Variants in CEP152 observed in about 807,000 individuals in gnomAD.
CEP152 encodes centrosomal protein 152.
A neutral mutation model predicts 188.9 loss-of-function variants in CEP152; 132 were observed. That is an observed-to-expected ratio of 0.70 (90% confidence interval 0.61 to 0.81). The LOEUF is 0.81. Ranked by LOEUF, CEP152 falls within the 30% of genes least tolerant of loss-of-function variation. The pLI is 0.00. For synonymous variants in CEP152, 649 were observed against 666.6 expected (o/e 0.97, Z 0.41); for missense variants, 1,914 against 1,969.8 (o/e 0.97, Z 0.54).
chr15:48,762,800 T>C (rs1437130983), intron 17 of CEP152, 128 bp from the exon 18 acceptor site: 2 of 911,964 alleles, frequency 2.2e-6, no homozygotes, highest in Non-Finnish European at 1.7e-6. Flanking sequence ...GTAGTAATTA[T>C]AAAAGGTTTA....
intron 9 of CEP152, among the ~76,000 whole-genome samples, chr15:48,787,067 T>TTAAAA (rs975123440): frequency 1.3e-5 from 2 of 151,644 alleles, no homozygotes; most frequent in Admixed American, 1.3e-4. Context: ...AAAACTAACT[T>TTAAAA]TAAAATAAAA....
intron 7 of CEP152, 152 bp from the exon 8 acceptor site, chr15:48,791,528 T>C: frequency 2.8e-6 from 2 of 724,916 alleles, no homozygotes; most frequent in Non-Finnish European, 2.3e-6. Context: ...TAGAGAAAAC[T>C]AAATAAAGAA....
At chr15:48,775,964 G>A (rs1313124780) in intron 12 of CEP152, among the ~76,000 whole-genome samples, 1 of 151,498 alleles carries the variant, frequency 6.6e-6, no homozygotes, top group Non-Finnish European at 1.5e-5. Flanking sequence ...TAACGTATGA[G>A]TTTCCTTCAT....
At position 48,772,704 on chromosome 15, in the gene CEP152, T is replaced by A; in HGVS notation, c.1578-13A>T. 2 of 1,608,558 alleles carry A rather than the reference T, an allele frequency of 1.2e-6. No individual in the cohort carries two copies. Among genetic ancestry groups the A allele is most frequent in the Non-Finnish European group, 1.7e-6 (2 of 1,175,260 alleles). On this transcript the variant is annotated splice_polypyrimidine_tract_variant and intron_variant, in intron 12 of 26. Coordinates refer to ENST00000380950, the MANE Select transcript of CEP152 (RefSeq NM_001194998.2). ...TTCTTGTACAATGCTAATGGAGAAA[T>A]TGTGATTTTTAACATTAAATCAAGT...
At chr15:48,732,650 A>T (rs1892462983) in intron 2 of CEP152, among the ~76,000 whole-genome samples, 1 of 128,380 alleles carries the variant, frequency 7.8e-6, no homozygotes, top group Non-Finnish European at 1.5e-5. Flanking sequence ...TGTTCTGCAC[A>T]TGTATTTTTT....
Position 48,769,075 on chromosome 15 carries a change from T to A in CEP152, c.1789A>T (p.Thr597Ser). 1 of 1,604,362 alleles carries A rather than the reference T, an allele frequency of 6.2e-7. No individual in the cohort carries two copies. The change falls in exon 14 of 27, where the codon ACA becomes TCA. Residue 597 changes from threonine to serine, a missense_variant. Thr to Ser is a moderately conservative substitution (Grantham distance 58). Transcript: ENST00000380950. ...DEKSIEVETK[T>S]DTSEKPKNQL... ...TTCTTTGGTTTTTCTGAGGTATCTG[T>A]TTTAGTCTGAATATTAAAAGGTCAA...
At chr15:48,748,667 T>TAA in intron 21 of CEP152, 57 bp from the exon 22 acceptor site, 33 of 1,070,096 alleles carry the variant, frequency 3.1e-5, no homozygotes, top group South Asian at 2.1e-4. Context: ...GAACTATCAT[T>TAA]AAAAAAAAAA....
rs755368260 is a variant in CEP152 at position 48,739,245 on chromosome 15, T to G, written c.4137A>C (p.Ser1379=). 1.2e-6 allele frequency: 2 copies of G among 1,613,524 alleles called. No homozygotes were observed. Among genetic ancestry groups the G allele is most frequent in the Non-Finnish European group, 1.7e-6 (2 of 1,179,874 alleles). ...TTTTCTGATTCACATCATTTCTTTT[T>G]GATTTTTTAACTGCAATCAGCATCT... ...TSEMLIAVKK[S]KRNDVNQKIP... is the part of the protein sequence containing the mutation. The change falls in exon 27 of 27, where the codon TCA becomes TCC. Residue 1379 remains serine, a synonymous_variant. Transcript: ENST00000380950.
intron 22 of CEP152, among the ~76,000 whole-genome samples, chr15:48,745,520 C>T (rs985074159): frequency 1.3e-5 from 2 of 151,514 alleles, no homozygotes; most frequent in Non-Finnish European, 1.5e-5. Flanking sequence ...GGGCTGAGTC[C>T]GAAAAGAGAG....
rs755891842 is a variant in CEP152 at position 48,772,519 on chromosome 15, CT to C, written c.1749del (p.Val584Ter). ...DCHKKIEDLH[Q>X]VKKDEKSIEV... ...TCAATGCTTTTTTCATCCTTCTTCA[CT>C]TGGTGGAGATCTTCAATTTTCTTAT... is the stretch of plus-strand genomic sequence containing the variant. On this transcript the variant is annotated frameshift_variant, in exon 13 of 27. Transcript: ENST00000380950. LOFTEE classifies it high-confidence loss of function. 1 of 1,613,520 alleles carries C rather than the reference CT, an allele frequency of 6.2e-7. No individual in the cohort carries two copies. The highest frequency in any genetic ancestry group is 1.1e-5 in the South Asian group (1 of 91,082).
chr15:48,782,647 C>G (rs1022895142), intron 10 of CEP152, among the ~76,000 whole-genome samples: 1 of 152,146 alleles, frequency 6.6e-6, no homozygotes, highest in Non-Finnish European at 1.5e-5. Context: ...AGATGCTTTT[C>G]TATCCAGCAT....
At chr15:48,788,042 T>C (rs1896767432) in intron 9 of CEP152, among the ~76,000 whole-genome samples, 1 of 152,200 alleles carries the variant, frequency 6.6e-6, no homozygotes. Flanking sequence ...CAACAGACTG[T>C]ATTGCTGTAT....
chr15:48,809,965 T>C (rs907465005), intron 1 of CEP152, among the ~76,000 whole-genome samples: 1 of 152,240 alleles, frequency 6.6e-6, no homozygotes, highest in Non-Finnish European at 1.5e-5. Flanking sequence ...TGTTCCCCCA[T>C]GGAGCTGGCC....
Position 48,760,117 on chromosome 15 carries a change from T to C in CEP152, c.2694+18A>G. The C allele has an allele frequency of 6.2e-7, 1 of 1,613,784 alleles. No homozygotes were observed. The highest frequency in any genetic ancestry group is 8.5e-7 in the Non-Finnish European group (1 of 1,179,816). ...GGTAAGACAGCCTCCTGAAGTGTCTTTGCAGAAGAGCTCTTACCCTTTTGT... is the reference window on the plus strand; with the variant it reads ...GGTAAGACAGCCTCCTGAAGTGTCTCTGCAGAAGAGCTCTTACCCTTTTGT... On this transcript the variant is annotated intron_variant, in intron 19 of 26. Transcript: ENST00000380950.
intron 20 of CEP152, among the ~76,000 whole-genome samples, chr15:48,753,695 G>C (rs1894055192): frequency 6.6e-6 from 1 of 152,148 alleles, no homozygotes; most frequent in Non-Finnish European, 1.5e-5. Context: ...CAACCTTTTT[G>C]TCTCAGTTTT....
downstream of CEP152, among the ~76,000 whole-genome samples, chr15:48,737,552 G>T (rs1166307023): frequency 6.6e-6 from 1 of 151,980 alleles, no homozygotes; most frequent in Non-Finnish European, 1.5e-5. Context: ...TTTTCAAAAG[G>T]TCGTATTTCA....
At position 48,744,321 on chromosome 15, in the gene CEP152, C is replaced by T. The variant is rs1445102224; in HGVS notation, c.3754G>A (p.Glu1252Lys). The change falls in exon 24 of 27, where the codon GAA (glutamate) becomes AAA (lysine). Residue 1252 changes from glutamate (E) to lysine (K), a missense_variant. Glu to Lys is a moderately conservative substitution (Grantham distance 56, BLOSUM62 1). Transcript: ENST00000380950. Reference protein sequence around the residue: ...PPRSLSAGAIENACLPCSGGA... With the variant: ...PPRSLSAGAIKNACLPCSGGA... ...CCACTGCATGGCAGGCAAGCATTTTCAATGGCCCCTGCTGACAATGACCTA... is the reference window on the plus strand; with the variant it reads ...CCACTGCATGGCAGGCAAGCATTTTTAATGGCCCCTGCTGACAATGACCTA... 3.1e-6 allele frequency: 5 copies of T among 1,613,894 alleles called. No homozygotes were observed. Among genetic ancestry groups the T allele is most frequent in the Non-Finnish European group, 4.2e-6 (5 of 1,179,980 alleles).
chr15:48,755,712 AAGT>A (rs1894207204), intron 20 of CEP152, among the ~76,000 whole-genome samples, 188 bp downstream of exon 20: 1 of 152,158 alleles, frequency 6.6e-6, no homozygotes, highest in Non-Finnish European at 1.5e-5. Context: ...TGACACTATG[AAGT>A]AGTAAAGTTT....
rs576174272 is a variant in CEP152 at position 48,743,563 on chromosome 15, T to G, written c.3835+677A>C. 6.6e-5 allele frequency among the ~76,000 whole-genome samples: 10 copies of G among 152,218 alleles called. 1 individual carries two copies. The South Asian group carries it at 2.1e-3, about 32-fold the overall frequency. On this transcript the variant is annotated intron_variant, in intron 24 of 26. Coordinates refer to ENST00000380950, the MANE Select transcript of CEP152 (RefSeq NM_001194998.2). ...TAACTAGATCCACTTCTACAGTCCTTAAAAGTTTATGGTAGGAGGCCGGGC... is the reference window on the plus strand; with the variant it reads ...TAACTAGATCCACTTCTACAGTCCTGAAAAGTTTATGGTAGGAGGCCGGGC...
Sources: allele counts gnomAD v4.1 joint callset (sites outside exome capture counted in the v4.1 genomes callset), GRCh38; gene constraint gnomAD v4.1.1; transcripts MANE v1.5; gene names NCBI Gene and HGNC (gene_info 2026-07-23, HGNC 2026-07-21).